The following PRPF6 variants were observed in gnomAD, a reference collection of about 807,000 sequenced individuals.
PRPF6 encodes the protein pre-mRNA-processing factor 6.
PRPF6 carries 42 observed loss-of-function variants against 118.3 expected under a neutral mutation model. The ratio of observed to expected loss-of-function variants is 0.35; its 90% CI spans 0.28 to 0.46. PRPF6 has a LOEUF of 0.46. PRPF6 is among the 20% of genes least tolerant of loss of function. The pLI, the probability that PRPF6 is intolerant of heterozygous loss-of-function variation, is 1.00. For synonymous variants in PRPF6, 481 were observed against 485.1 expected, an observed-to-expected ratio of 0.99 and a Z score of 0.11; for missense variants, 662 against 1,255.7, an observed-to-expected ratio of 0.53 and a Z score of 7.15.
At chr20:63,995,608 C>A in intron 6 of PRPF6, 126 bp downstream of exon 6, 1 of 1,125,806 alleles carries the variant, frequency 8.9e-7, no homozygotes, top group Non-Finnish European at 1.3e-6. Context: ...TCCTTCTTCT[C>A]CTTCTCCTTT....
Position 64,029,375 on chromosome 20 carries a change from A to G in PRPF6, c.2432-2A>G, listed in dbSNP as rs111472698. Reference sequence around the variant, plus strand: ...TCTTTGTTCTTTGTTTCTGAATTATAGGTATCCTGTGGTCTGAGGCCATCT... The same window carrying G: ...TCTTTGTTCTTTGTTTCTGAATTATGGGTATCCTGTGGTCTGAGGCCATCT... On this transcript the variant is annotated splice_acceptor_variant, in intron 18 of 20. Coordinates refer to ENST00000266079, the MANE Select transcript of PRPF6 (RefSeq NM_012469.4). LOFTEE classifies it high-confidence loss of function. The surrounding 1 kb of genome is among the most constrained non-coding windows in gnomAD (Gnocchi z 4.8). The G allele has an allele frequency of 6.2e-7, 1 of 1,612,720 alleles. No homozygotes were observed. The highest frequency in any genetic ancestry group is 8.5e-7 in the Non-Finnish European group (1 of 1,178,760).
intron 6 of PRPF6, among the ~76,000 whole-genome samples, chr20:63,997,823 G>C (rs1439455596): frequency 6.6e-6 from 1 of 151,682 alleles, no homozygotes; most frequent in African/African-American, 2.4e-5. Flanking sequence ...GATCCACGTG[G>C]CTCGGCCTCC....
chr20:63,984,765 T>A (rs1419708368), intron 2 of PRPF6, 142 bp from the exon 3 acceptor site: 1 of 667,228 alleles, frequency 1.5e-6, no homozygotes, highest in Non-Finnish European at 2.7e-6. Context: ...TCACCAGTTA[T>A]ATGGTAGACT....
At chr20:64,031,491 A>C (rs1175970831) in intron 19 of PRPF6, among the ~76,000 whole-genome samples, 2 of 152,008 alleles carry the variant, frequency 1.3e-5, no homozygotes, top group Non-Finnish European at 2.9e-5. Flanking sequence ...TGACCAACAC[A>C]GTGAAACCCC....
Position 64,011,843 on chromosome 20 carries a change from A to G in PRPF6, c.1524+340A>G. ...TGCTAGTAGAAATGATACACCTACG[A>G]GAGGAGGACAGGAAGTCTCACGGCT... On this transcript the variant is annotated intron_variant, in intron 11 of 20. Transcript: ENST00000266079. The surrounding 1 kb of genome is among the most constrained non-coding windows in gnomAD (Gnocchi z 6.7). 8.2e-6 allele frequency among the ~76,000 whole-genome samples: 1 copy of G among 121,754 alleles called. No individual in the cohort carries two copies. Among genetic ancestry groups the G allele is most frequent in the Non-Finnish European group, 1.7e-5 (1 of 59,284 alleles). 79.9% of individuals were successfully genotyped at this position (121,754 alleles called of 152,430 possible). A position where few individuals can be genotyped will look rare whatever the true frequency, so the allele number is the denominator to read the frequency against.
intron 3 of PRPF6, among the ~76,000 whole-genome samples, chr20:63,990,911 C>A (rs988080238): frequency 6.6e-6 from 1 of 151,744 alleles, no homozygotes; most frequent in Admixed American, 6.6e-5. Flanking sequence ...GCCTTGGCCT[C>A]CCAAGGTGCT....
intron 9 of PRPF6, among the ~76,000 whole-genome samples, chr20:64,006,796 A>G (rs1253162591): frequency 6.6e-6 from 1 of 152,214 alleles, no homozygotes; most frequent in Non-Finnish European, 1.5e-5. Flanking sequence ...TATTCACAGC[A>G]TTTGTGGCAT....
intron 12 of PRPF6, among the ~76,000 whole-genome samples, chr20:64,022,464 C>T (rs1235673431): frequency 1.3e-5 from 2 of 152,176 alleles, no homozygotes; most frequent in African/African-American, 2.4e-5. Context: ...CATGCCACCA[C>T]GTCTGGTTAA....
chr20:64,000,378 A>G (rs2059160897), intron 8 of PRPF6, among the ~76,000 whole-genome samples: 2 of 144,810 alleles, frequency 1.4e-5, no homozygotes, highest in African/African-American at 2.5e-5. Flanking sequence ...AATCCCAGCT[A>G]TTCGGTAGGT....
In PRPF6 at chr20:63,995,125, T is replaced by C. The variant is rs1183077779; in HGVS notation, c.615+33T>C. On this transcript the variant is annotated intron_variant, in intron 5 of 20. Transcript: ENST00000266079. ...TCCAAAAAAGGGCACATGTGGCCCA[T>C]TTAGTCCTGTTAGATCAGTGGCAGG... is the stretch of plus-strand genomic sequence containing the variant. The C allele has an allele frequency of 3.1e-6, 5 of 1,613,348 alleles. No homozygotes were observed. In the Admixed American group the frequency reaches 8.3e-5, roughly 27 times the overall value.
At position 64,001,217 on chromosome 20, in the gene PRPF6, A is replaced by G. The variant is rs201984924; in HGVS notation, c.1164A>G (p.Ala388=). The part of the protein sequence containing the change: ...RAAELETDIR[A]KKRVLRKALE... ...CAGAGCTGGAAACGGACATTCGTGC[A>G]AAGAAGCGGGTTCTTCGGAAAGGTG... is the stretch of plus-strand genomic sequence containing the variant. The change falls in exon 9 of 21, where the codon GCA becomes GCG. Residue 388 remains alanine (A), a synonymous_variant. Transcript: ENST00000266079. 261 of 1,614,118 alleles carry G rather than the reference A, an allele frequency of 1.6e-4. No homozygotes were observed. The highest frequency in any genetic ancestry group is 3.1e-5 in the Non-Finnish European group (36 of 1,180,054).
At chr20:63,990,946 G>T (rs1029429355) in intron 3 of PRPF6, among the ~76,000 whole-genome samples, 1 of 151,430 alleles carries the variant, frequency 6.6e-6, no homozygotes, top group Non-Finnish European at 1.5e-5. Context: ...GAGCCACCAC[G>T]CCAGGCTCAC....
At chr20:64,016,330 G>T (rs2059238114) in intron 11 of PRPF6, among the ~76,000 whole-genome samples, 1 of 151,904 alleles carries the variant, frequency 6.6e-6, no homozygotes, top group Admixed American at 6.6e-5. Context: ...GGTTTCACCA[G>T]GTTGGCCAGG....
At chr20:64,002,634 C>T (rs1440975220) in intron 9 of PRPF6, among the ~76,000 whole-genome samples, 3 of 150,216 alleles carry the variant, frequency 2.0e-5, no homozygotes, top group Non-Finnish European at 4.4e-5. Flanking sequence ...CTGTGCCTGG[C>T]CTTTTCTTTT....
intron 3 of PRPF6, among the ~76,000 whole-genome samples, chr20:63,991,558 G>A (rs549157570): frequency 2.0e-5 from 3 of 152,196 alleles, no homozygotes; most frequent in Admixed American, 6.5e-5. Flanking sequence ...TTGGGAGGCC[G>A]AGGCGGGCAG....
At position 64,021,548 on chromosome 20, in the gene PRPF6, CTGTG is replaced by C. The variant is rs1224009927; in HGVS notation, c.1648-1199_1648-1196del. ...ATATGCCTCAGCCACAGCCCCGTGT[CTGTG>C]TGTGTGTGTCTGTGTGTGTGTGTGC... On this transcript the variant is annotated intron_variant, in intron 12 of 20. Transcript: ENST00000266079. 1.2e-4 allele frequency among the ~76,000 whole-genome samples: 17 copies of C among 140,972 alleles called. No individual in the cohort carries two copies. The East Asian group carries it at 1.5e-3, about 13-fold the overall frequency. The allele number at this position is 140,972 out of a possible 152,430, so 92.5% of individuals were successfully genotyped here. A position where few individuals can be genotyped will look rare whatever the true frequency, so the allele number is the denominator to read the frequency against.
At chr20:63,999,880 G>C (rs1046307665) in intron 8 of PRPF6, 121 bp downstream of exon 8, 4 of 1,282,548 alleles carry the variant, frequency 3.1e-6, no homozygotes, top group Non-Finnish European at 4.4e-6. Flanking sequence ...AATAGGGCAG[G>C]CTGGGGGAGG....
chr20:64,006,671 T>G (rs1345240305), intron 9 of PRPF6, among the ~76,000 whole-genome samples: 1 of 152,172 alleles, frequency 6.6e-6, no homozygotes, highest in Non-Finnish European at 1.5e-5. Context: ...GACGGGACTC[T>G]TGGCAGTGGA....
intron 13 of PRPF6, 135 bp downstream of exon 13, chr20:64,023,013 G>GAAGGATTTT: frequency 7.2e-7 from 1 of 1,386,458 alleles, no homozygotes; most frequent in Non-Finnish European, 1.0e-6. Flanking sequence ...TGGTTGTGAT[G>GAAGGATTTT]AAGGATTTTA....
Sources: allele counts gnomAD v4.1 joint callset (sites outside exome capture counted in the v4.1 genomes callset), GRCh38; gene constraint gnomAD v4.1.1; non-coding constraint Gnocchi (gnomAD v3.1); transcripts MANE v1.5; gene names NCBI Gene and HGNC (gene_info 2026-07-23, HGNC 2026-07-21).